The following PAPPA2 variants were observed in gnomAD, a reference collection of about 807,000 sequenced individuals.
PAPPA2 encodes pappalysin 2, also known as pappalysin-2.
Under a neutral mutation model 176.4 loss-of-function variants are expected in PAPPA2, and 86 were observed. That is an observed-to-expected ratio of 0.49 (90% CI 0.41 to 0.58). The LOEUF is 0.58. Ranked by LOEUF, PAPPA2 falls within the 20% of genes least tolerant of loss-of-function variation. The pLI is 0.00. For synonymous variants in PAPPA2, 809 were observed against 852.2 expected (o/e 0.95, Z 0.88); for missense variants, 2,073 against 2,256.9 (o/e 0.92, Z 1.65).
At chr1:176,641,844 G>T (rs980838344) in intron 3 of PAPPA2, among the ~76,000 whole-genome samples, 4 of 151,944 alleles carry the variant, frequency 2.6e-5, no homozygotes, top group Admixed American at 6.6e-5. Flanking sequence ...GACTCTGGGT[G>T]ATGGAGGTAT....
chr1:176,655,981 C>T (rs1658010107), intron 3 of PAPPA2, among the ~76,000 whole-genome samples: 1 of 151,650 alleles, frequency 6.6e-6, no homozygotes, highest in Non-Finnish European at 1.5e-5. Context: ...ATATATAAAT[C>T]AAAAGTAAAC....
chr1:176,683,910 C>T (rs537423216), intron 4 of PAPPA2, among the ~76,000 whole-genome samples: 2 of 152,236 alleles, frequency 1.3e-5, no homozygotes, highest in African/African-American at 2.4e-5. Context: ...TTTATTGGAC[C>T]CACTACCATC....
chr1:176,837,733 G>C (rs1284110637), intron 21 of PAPPA2, among the ~76,000 whole-genome samples: 1 of 151,082 alleles, frequency 6.6e-6, no homozygotes. Flanking sequence ...ATGCCTGTGG[G>C]TTAGAGTGAT....
chr1:176,634,966 AATAGATAGATAGATAGATAGATAG>A (rs3979574), intron 3 of PAPPA2, among the ~76,000 whole-genome samples: 2 of 135,162 alleles, frequency 1.5e-5, no homozygotes, highest in Non-Finnish European at 3.2e-5. Flanking sequence ...TAGATAGATA[AATAGATAGATAGATAGATAGATAG>A]ATAGATAGAT....
At chr1:176,722,179 A>G (rs945803748) in intron 12 of PAPPA2, among the ~76,000 whole-genome samples, 4 of 152,148 alleles carry the variant, frequency 2.6e-5, no homozygotes, top group East Asian at 1.9e-4. Context: ...GATAACACCA[A>G]TATCTTGATG....
chr1:176,741,541 C>T (rs1216569869), intron 14 of PAPPA2, among the ~76,000 whole-genome samples: 1 of 152,066 alleles, frequency 6.6e-6, no homozygotes, highest in Non-Finnish European at 1.5e-5. Context: ...AGTGATAGTC[C>T]ATTACTTCTG....
chr1:176,821,334 G>A (rs753783351), intron 21 of PAPPA2, among the ~76,000 whole-genome samples: 3 of 152,146 alleles, frequency 2.0e-5, no homozygotes, highest in Non-Finnish European at 4.4e-5. Context: ...TAATTCCATG[G>A]AGAAAGTTTT....
At chr1:176,780,547 T>C (rs1188859482) in intron 17 of PAPPA2, among the ~76,000 whole-genome samples, 1 of 152,200 alleles carries the variant, frequency 6.6e-6, no homozygotes, top group Admixed American at 6.5e-5. Context: ...TCACCTGCAC[T>C]GTTCCCTCTG....
chr1:176,711,554 A>G (rs372258007), intron 11 of PAPPA2, among the ~76,000 whole-genome samples: 6 of 152,228 alleles, frequency 3.9e-5, no homozygotes, highest in African/African-American at 9.6e-5. Context: ...TGGGGCAGTT[A>G]CCTGAAATAT....
intron 20 of PAPPA2, among the ~76,000 whole-genome samples, chr1:176,797,368 G>C (rs1263044908): frequency 1.3e-5 from 2 of 152,128 alleles, no homozygotes; most frequent in Non-Finnish European, 2.9e-5. Flanking sequence ...AATCAGCTGG[G>C]CACAGTGGCT....
intron 21 of PAPPA2, among the ~76,000 whole-genome samples, chr1:176,837,478 CAAAAAA>C (rs35134966): frequency 5.3e-5 from 5 of 94,762 alleles, no homozygotes; most frequent in African/African-American, 1.2e-4. Context: ...TGTTAAAAGG[CAAAAAA>C]AAAAAAAAAA....
intron 17 of PAPPA2, among the ~76,000 whole-genome samples, chr1:176,774,113 A>G (rs1199858076): frequency 6.6e-6 from 1 of 152,116 alleles, no homozygotes; most frequent in African/African-American, 2.4e-5. Flanking sequence ...TCCCTGATTG[A>G]TGTTCCTTCT....
chr1:176,683,673 G>A (rs1215157342), intron 4 of PAPPA2, among the ~76,000 whole-genome samples: 1 of 151,978 alleles, frequency 6.6e-6, no homozygotes, highest in Non-Finnish European at 1.5e-5. Context: ...GTTGATGCTG[G>A]TTACCTGAGA....
In PAPPA2 at chr1:176,703,396, G is replaced by A. The variant is rs185819326; in HGVS notation, c.3365+661G>A. ...ATTCTGGTTTGCCTGGGACTTCCCCGGTTTTAGCACTAAAAATACCAAGTC... is the reference window on the plus strand; with the variant it reads ...ATTCTGGTTTGCCTGGGACTTCCCCAGTTTTAGCACTAAAAATACCAAGTC... On this transcript the variant is annotated intron_variant, in intron 9 of 22. Transcript: ENST00000367662. 3.8e-3 allele frequency among the ~76,000 whole-genome samples: 572 copies of A among 152,218 alleles called. 4 individuals are homozygous for A. Among genetic ancestry groups the A allele is most frequent in the African/African-American group, 0.013 (535 of 41,530 alleles).
At chr1:176,553,635 A>G (rs1651097017) in intron 1 of PAPPA2, 1 of 152,036 alleles carries the variant, frequency 6.6e-6, no homozygotes, top group African/African-American at 2.4e-5. Flanking sequence ...GAGAGCCAGG[A>G]GAGACCTATA....
Position 176,842,550 on chromosome 1 carries a change from A to G in PAPPA2, c.*96A>G. On this transcript the variant is annotated 3_prime_UTR_variant, in exon 23 of 23. Coordinates refer to ENST00000367662, the MANE Select transcript of PAPPA2 (RefSeq NM_020318.3). ...AAAGGGTGAATGAAGAAGAACAATC[A>G]TGAAATGGAAGAAGGAGGAAGAGCA... The G allele has an allele frequency of 8.9e-7, 1 of 1,120,052 alleles. No individual in the cohort carries two copies. Among genetic ancestry groups the G allele is most frequent in the Non-Finnish European group, 1.3e-6 (1 of 755,334 alleles). The allele number at this position is 1,120,052 out of a possible 1,614,324, so 69.4% of individuals were successfully genotyped here.
intron 17 of PAPPA2, among the ~76,000 whole-genome samples, chr1:176,789,408 G>C (rs927655274): frequency 2.6e-5 from 4 of 151,986 alleles, no homozygotes; most frequent in Admixed American, 6.6e-5. Context: ...GTTGTGGGGT[G>C]GGGGGAGTGG....
At chr1:176,496,156 T>C (rs981983126) in intron 1 of PAPPA2, among the ~76,000 whole-genome samples, 1 of 152,200 alleles carries the variant, frequency 6.6e-6, no homozygotes, top group African/African-American at 2.4e-5. Context: ...GTTTGTTACA[T>C]ATGTATACAT....
At chr1:176,830,514 A>G (rs930427265) in intron 21 of PAPPA2, among the ~76,000 whole-genome samples, 1 of 152,182 alleles carries the variant, frequency 6.6e-6, no homozygotes. Context: ...CTTTTGTTCA[A>G]GGTTTCTATG....
Sources: gnomAD v4.1 joint callset for allele counts (sites outside exome capture counted in the v4.1 genomes callset) on GRCh38, gnomAD v4.1.1 for gene constraint, MANE v1.5 for transcripts, NCBI Gene and HGNC (gene_info 2026-07-23, HGNC 2026-07-21) for gene names.